CHD1: variants seen among roughly 807,000 people sequenced by gnomAD.
CHD1 encodes chromodomain helicase DNA binding protein 1.
CHD1 carries 36 observed loss-of-function variants against 224.2 expected under a neutral mutation model. The ratio of observed to expected loss-of-function variants is 0.16; its 90% CI spans 0.12 to 0.21. The LOEUF is 0.21. Among genes scored for constraint, CHD1 ranks in the 10% least tolerant of loss-of-function variants. CHD1 has a pLI of 1.00. For synonymous variants in CHD1, 668 were observed against 658.3 expected, an observed-to-expected ratio of 1.01 and a Z score of -0.23; for missense variants, 1,378 against 1,994.8, an observed-to-expected ratio of 0.69 and a Z score of 5.89.
intron 30 of CHD1, chr5:98,868,881 A>T (rs1749106538): frequency 2.2e-6 from 1 of 462,556 alleles, no homozygotes; most frequent in Non-Finnish European, 3.2e-6. Flanking sequence ...ATTCTCCTCT[A>T]CTGCATACCC....
intron 29 of CHD1, among the ~76,000 whole-genome samples, chr5:98,870,437 A>G (rs544689197): frequency 6.6e-6 from 1 of 152,192 alleles, no homozygotes; most frequent in East Asian, 1.9e-4. Flanking sequence ...AGTTTTCTCT[A>G]TCCCTCTCTA....
Position 98,898,678 on chromosome 5 carries a change from A to G in CHD1, c.1172T>C (p.Val391Ala). The G allele has an allele frequency of 6.5e-7, 1 of 1,536,458 alleles. No homozygotes were observed. The highest frequency in any genetic ancestry group is 9.0e-7 in the Non-Finnish European group (1 of 1,114,940). ...TTATCACTAACCAATTATACGTTCC[A>G]CTATTTGATACTGTTTATGTAGATC... ...TDDLHKQYQIVERIIAHSNQK... is the reference protein window; with the variant it reads ...TDDLHKQYQIAERIIAHSNQK... Residue 391 changes from valine to alanine, a missense_variant, in exon 9 of 36, where the codon GTG (valine) becomes GCG (alanine). Transcript: ENST00000614616.
chr5:98,905,071 A>G lies in CHD1; in HGVS notation c.81T>C (p.Ala27=). 1 of 1,608,234 alleles carries G rather than the reference A, an allele frequency of 6.2e-7. No homozygotes were observed. Among genetic ancestry groups the G allele is most frequent in the African/African-American group, 1.3e-5 (1 of 74,936 alleles). The change falls in exon 3 of 36, where the codon GCT becomes GCC. Residue 27 remains alanine (A), a synonymous_variant. Coordinates refer to ENST00000614616, the MANE Select transcript of CHD1 (RefSeq NM_001270.4). ...SSQSDDDSGS[A]SGSGSGSSSG... ...AACTCGAACCAGATCCAGAGCCTGA[A>G]GCTGACCCAGAATCATCATCCGACT...
intron 14 of CHD1, among the ~76,000 whole-genome samples, chr5:98,893,106 CATT>C (rs966664021): frequency 2.6e-5 from 4 of 152,140 alleles, no homozygotes; most frequent in East Asian, 3.8e-4. Context: ...ACCAGCACCT[CATT>C]GTTGTTACTC....
chr5:98,865,272 G>A (rs140214895), intron 31 of CHD1, among the ~76,000 whole-genome samples: 60 of 152,326 alleles, frequency 3.9e-4, no homozygotes, highest in African/African-American at 1.4e-3. Context: ...AGTCAGAGAA[G>A]TGGCCGGCAA....
chr5:98,917,372 T>A (rs111549053), intron 2 of CHD1, among the ~76,000 whole-genome samples: 300 of 150,384 alleles, frequency 2.0e-3, no homozygotes, highest in African/African-American at 7.1e-3. Flanking sequence ...CACTCCTACA[T>A]TTGATTGGCC....
chr5:98,861,259 G>C lies in CHD1; in HGVS notation c.4428-1191C>G, dbSNP rs192079608. On this transcript the variant is annotated intron_variant, in intron 32 of 35. Transcript: ENST00000614616. ...CTGTAAAATGGAATAGTAAATATCT[G>C]TTCACATTTTCTACAATACTATTAA... is the stretch of plus-strand genomic sequence containing the variant. Among the ~76,000 whole-genome samples the C allele has an allele frequency of 4.7e-3, 708 of 152,106 alleles. 9 individuals carry two copies. Among genetic ancestry groups the C allele is most frequent in the Non-Finnish European group, 7.3e-3 (497 of 67,988 alleles).
chr5:98,926,625 A>T (rs1753473267), intron 1 of CHD1, 91 bp from the exon 2 acceptor site: 1 of 285,012 alleles, frequency 3.5e-6, no homozygotes, highest in Admixed American at 5.2e-5. Flanking sequence ...TACGTAGGCC[A>T]ATTAGACTAC....
chr5:98,921,979 C>G (rs149172733), intron 2 of CHD1, among the ~76,000 whole-genome samples: 2,557 of 152,154 alleles, frequency 0.017, 63 homozygotes, highest in African/African-American at 0.058. Context: ...ATGGTGAAAT[C>G]CCATCTTTAC....
chr5:98,874,056 A>C (rs559889814), intron 25 of CHD1, among the ~76,000 whole-genome samples: 125 of 151,358 alleles, frequency 8.3e-4, no homozygotes, highest in Non-Finnish European at 1.5e-3. Flanking sequence ...AAGCTGAGTA[A>C]AGTTCTGTAA....
At chr5:98,870,355 T>G (rs79762735) in intron 29 of CHD1, among the ~76,000 whole-genome samples, 1 of 152,110 alleles carries the variant, frequency 6.6e-6, no homozygotes, top group Non-Finnish European at 1.5e-5. Context: ...AGCATTCTAA[T>G]GACTCCAAGT....
chr5:98,869,133 T>C (rs1749124267), intron 30 of CHD1: 1 of 948,056 alleles, frequency 1.1e-6, no homozygotes, highest in African/African-American at 1.8e-5. Flanking sequence ...ATCTCCCTTT[T>C]AAGTTCTTTT....
chr5:98,885,732 A>C (rs936702481), intron 17 of CHD1, 83 bp from the exon 18 acceptor site: 31 of 830,802 alleles, frequency 3.7e-5, no homozygotes, highest in Non-Finnish European at 6.1e-5. Context: ...AATTAAGTAG[A>C]AATGTGAAGC....
chr5:98,903,071 C>T, intron 4 of CHD1, 107 bp from the exon 5 acceptor site: 4 of 536,106 alleles, frequency 7.5e-6, no homozygotes, highest in Non-Finnish European at 3.2e-6. Context: ...AATAACAGCA[C>T]TTGTGAAGCC....
At chr5:98,857,787 CGACT>C (rs1748150328) in intron 35 of CHD1, among the ~76,000 whole-genome samples, 1 of 151,888 alleles carries the variant, frequency 6.6e-6, no homozygotes, top group South Asian at 2.1e-4. Flanking sequence ...TAATTTTTCC[CGACT>C]TTTTAAAAAT....
chr5:98,928,200 C>G (rs1029627063), intron 1 of CHD1, among the ~76,000 whole-genome samples: 21 of 151,940 alleles, frequency 1.4e-4, no homozygotes, highest in African/African-American at 4.6e-4. Context: ...CCGCCGCTCC[C>G]CACGTGCTGG....
At chr5:98,911,899 C>T (rs906199059) in intron 2 of CHD1, among the ~76,000 whole-genome samples, 4 of 152,022 alleles carry the variant, frequency 2.6e-5, no homozygotes, top group African/African-American at 7.2e-5. Context: ...AATCTCTGTA[C>T]GGAAAGATGA....
At chr5:98,874,708 T>C (rs1749618912) in intron 25 of CHD1, among the ~76,000 whole-genome samples, 1 of 150,536 alleles carries the variant, frequency 6.6e-6, no homozygotes, top group African/African-American at 2.5e-5. Context: ...AGAGACTCCA[T>C]TTAAAAAGAA....
At chr5:98,856,976 A>G (rs990810840) in intron 35 of CHD1, among the ~76,000 whole-genome samples, 2 of 152,252 alleles carry the variant, frequency 1.3e-5, no homozygotes, top group Admixed American at 6.5e-5. Flanking sequence ...TCACATGGCT[A>G]TTTTAGATAA....
Sources: gnomAD v4.1 joint callset for allele counts (sites outside exome capture counted in the v4.1 genomes callset) on GRCh38, gnomAD v4.1.1 for gene constraint, MANE v1.5 for transcripts, NCBI Gene and HGNC (gene_info 2026-07-23, HGNC 2026-07-21) for gene names.